DNM3: variants seen among roughly 807,000 people sequenced by gnomAD.
DNM3 encodes the protein dynamin 3.
In DNM3, 47 loss-of-function variants were observed where a neutral mutation model predicts 101.6. The ratio of observed to expected loss-of-function variants is 0.46; its 90% CI spans 0.37 to 0.59. DNM3 has a LOEUF of 0.59. DNM3 is among the 20% of genes least tolerant of loss of function. DNM3 has a pLI of 0.00. For synonymous variants in DNM3, 385 were observed against 387.9 expected (o/e 0.99, Z 0.09); for missense variants, 849 against 1,085.7 (o/e 0.78, Z 3.06).
intron 7 of DNM3, among the ~76,000 whole-genome samples, chr1:172,039,847 A>AT (rs2049245416): frequency 6.6e-6 from 1 of 152,072 alleles, no homozygotes; most frequent in African/African-American, 2.4e-5. Context: ...GAAATGAATG[A>AT]TAATAAGATT....
At chr1:171,938,031 G>GTT (rs5778716) in intron 2 of DNM3, among the ~76,000 whole-genome samples, 2 of 147,118 alleles carry the variant, frequency 1.4e-5, no homozygotes, top group African/African-American at 2.5e-5. Context: ...TTTTAATAGA[G>GTT]TTTTTTTTTT....
At chr1:171,936,203 G>A (rs936141885) in intron 2 of DNM3, among the ~76,000 whole-genome samples, 1 of 151,974 alleles carries the variant, frequency 6.6e-6, no homozygotes, top group African/African-American at 2.4e-5. Context: ...CTAAAAACAC[G>A]AAACAGCCGG....
intron 17 of DNM3, among the ~76,000 whole-genome samples, chr1:172,356,792 T>G (rs1249979369): frequency 6.6e-6 from 1 of 151,900 alleles, no homozygotes; most frequent in African/African-American, 2.4e-5. Flanking sequence ...AAAGATAAGG[T>G]TACTTTATAC....
intron 14 of DNM3, among the ~76,000 whole-genome samples, chr1:172,224,791 A>G (rs1238317916): frequency 6.6e-6 from 1 of 152,212 alleles, no homozygotes. Flanking sequence ...ATCTTCCATG[A>G]AATCCCATTG....
At position 171,841,580 on chromosome 1, in the gene DNM3, A is replaced by G. The variant is rs1007581255; in HGVS notation, c.-77A>G. 5.2e-6 allele frequency: 8 copies of G among 1,527,028 alleles called. No homozygotes were observed. The African/African-American group carries it at 8.4e-5, about 16-fold the overall frequency. The allele number at this position is 1,527,028 out of a possible 1,614,324, so 94.6% of individuals were successfully genotyped here. On this transcript the variant is annotated 5_prime_UTR_variant, in exon 1 of 21. Transcript: ENST00000627582. ...TGAGCCCGGCGCAGCAGCAGCAGCC[A>G]GGGCAGCGCGGCCCCTACTCCCTGT...
At chr1:171,969,591 T>G (rs1221211849) in intron 2 of DNM3, among the ~76,000 whole-genome samples, 2 of 152,148 alleles carry the variant, frequency 1.3e-5, no homozygotes, top group Non-Finnish European at 2.9e-5. Flanking sequence ...TTAAAATAAT[T>G]GCATTTCTTT....
chr1:172,002,523 A>G (rs1305863166), intron 4 of DNM3, among the ~76,000 whole-genome samples: 1 of 152,108 alleles, frequency 6.6e-6, no homozygotes, highest in African/African-American at 2.4e-5. Context: ...CAAAGAGTAG[A>G]TCATTTATCT....
intron 2 of DNM3, among the ~76,000 whole-genome samples, chr1:171,930,487 G>A (rs2040918115): frequency 6.6e-6 from 1 of 152,166 alleles, no homozygotes; most frequent in Non-Finnish European, 1.5e-5. Flanking sequence ...GCATGTGCCT[G>A]AGTGGCTGCT....
At chr1:171,895,719 T>G (rs1234865767) in intron 1 of DNM3, among the ~76,000 whole-genome samples, 7 of 150,938 alleles carry the variant, frequency 4.6e-5, no homozygotes, top group Non-Finnish European at 5.9e-5. Context: ...TGCCCATGCC[T>G]ATGTCCTGAA....
intron 1 of DNM3, among the ~76,000 whole-genome samples, chr1:171,850,707 A>G (rs2032831440): frequency 1.3e-5 from 2 of 151,626 alleles, no homozygotes; most frequent in South Asian, 2.1e-4. Flanking sequence ...TAAAATGTGT[A>G]TGTGTGGGTA....
intron 20 of DNM3, chr1:172,393,387 A>C (rs149149247): frequency 6.7e-4 from 102 of 152,512 alleles, no homozygotes; most frequent in African/African-American, 2.4e-3. Context: ...CAGTCCCCCA[A>C]ATTTTGCATG....
intron 17 of DNM3, among the ~76,000 whole-genome samples, chr1:172,356,867 A>C (rs915391384): frequency 4.6e-5 from 7 of 152,078 alleles, no homozygotes; most frequent in Admixed American, 4.6e-4. Context: ...GAGAAAGTAC[A>C]AGATGAGCCT....
intron 1 of DNM3, among the ~76,000 whole-genome samples, chr1:171,905,685 A>C (rs2038766069): frequency 6.6e-6 from 1 of 152,198 alleles, no homozygotes; most frequent in African/African-American, 2.4e-5. Context: ...TAACATAATG[A>C]GGTGGTTAAA....
rs543670887 is a variant in DNM3, at chr1:172,181,341, T to C, written c.1659+50053T>C. ...CTGAACTCTTCATTTTTCCTCTTGA[T>C]GAATCCTTTCTTATGCTTTAAAACA... On this transcript the variant is annotated intron_variant, in intron 14 of 20. Transcript: ENST00000627582. 1.7e-4 allele frequency among the ~76,000 whole-genome samples: 26 copies of C among 151,744 alleles called. No homozygotes were observed. The South Asian group carries it at 3.3e-3, about 20-fold the overall frequency.
At chr1:172,131,499 CTTTGCTGTAACCATATG>C (rs1353342759) in intron 14 of DNM3, among the ~76,000 whole-genome samples, 1 of 151,940 alleles carries the variant, frequency 6.6e-6, no homozygotes, top group Non-Finnish European at 1.5e-5. Context: ...TTGTTTATTT[CTTTGCTGTAACCATATG>C]TTTGCTTACC....
At chr1:172,037,102 AC>A (rs937029587) in intron 6 of DNM3, among the ~76,000 whole-genome samples, 37 of 152,242 alleles carry the variant, frequency 2.4e-4, no homozygotes, top group African/African-American at 7.7e-4. Context: ...ACCATCTCAC[AC>A]CAGTTAGAAT....
intron 14 of DNM3, among the ~76,000 whole-genome samples, chr1:172,203,089 T>C (rs905313285): frequency 5.9e-5 from 9 of 152,188 alleles, no homozygotes; most frequent in Admixed American, 3.3e-4. Flanking sequence ...AACAGGAAGT[T>C]AGACTTGTAA....
intron 16 of DNM3, 50 bp downstream of exon 16, chr1:172,308,889 GA>G: frequency 9.0e-7 from 1 of 1,108,126 alleles, no homozygotes; most frequent in South Asian, 1.5e-5. Flanking sequence ...CTATGCTTAA[GA>G]AAATATTAAT....
Position 172,253,783 on chromosome 1 carries a change from A to T in DNM3, c.1769+101A>T, listed in dbSNP as rs2062283263. 3 of 641,700 alleles carry T rather than the reference A, an allele frequency of 4.7e-6. No homozygotes were observed. In the South Asian group the frequency reaches 1.2e-4, roughly 27 times the overall value. 39.8% of individuals were successfully genotyped at this position (641,700 alleles called of 1,614,324 possible). ...AATAGTTCCTTTGGTCACACCTTGA[A>T]ATTTGTCTGCTCTTCAGTTTTCCTT... is the stretch of plus-strand genomic sequence containing the variant. On this transcript the variant is annotated intron_variant, in intron 15 of 20. Coordinates refer to ENST00000627582, the MANE Select transcript of DNM3 (RefSeq NM_015569.5).
Sources: allele counts gnomAD v4.1 joint callset (sites outside exome capture counted in the v4.1 genomes callset), GRCh38; gene constraint gnomAD v4.1.1; transcripts MANE v1.5; gene names NCBI Gene and HGNC (gene_info 2026-07-23, HGNC 2026-07-21).